HOOK3: variants seen among roughly 807,000 people sequenced by gnomAD.
The protein encoded by HOOK3 is protein Hook homolog 3.
HOOK3 carries 24 observed loss-of-function variants against 116.3 expected under a neutral mutation model. That is an observed-to-expected ratio of 0.21 (90% CI 0.15 to 0.29). HOOK3 has a LOEUF of 0.29. HOOK3 is among the 10% of genes least tolerant of loss of function. The pLI, the probability that HOOK3 is intolerant of heterozygous loss-of-function variation, is 1.00. For synonymous variants in HOOK3, 275 were observed against 283.0 expected (o/e 0.97, Z 0.28); for missense variants, 632 against 830.2 (o/e 0.76, Z 2.93).
chr8:42,983,149 A>G (rs1808984370), intron 14 of HOOK3, among the ~76,000 whole-genome samples: 1 of 152,078 alleles, frequency 6.6e-6, no homozygotes, highest in South Asian at 2.1e-4. Context: ...CCTAGCTAAC[A>G]CGGTGAAACC....
intron 4 of HOOK3, among the ~76,000 whole-genome samples, chr8:42,935,439 G>A (rs1445450398): frequency 6.6e-6 from 1 of 152,040 alleles, no homozygotes; most frequent in Non-Finnish European, 1.5e-5. Context: ...AGTTGCTTTT[G>A]GTGTTTTAGT....
At chr8:42,915,033 A>G (rs369859564) in intron 2 of HOOK3, among the ~76,000 whole-genome samples, 2 of 152,156 alleles carry the variant, frequency 1.3e-5, no homozygotes, top group Non-Finnish European at 2.9e-5. Context: ...CCAGATGCCG[A>G]CTTTAGATAC....
At chr8:42,911,805 G>C (rs1173717567) in intron 2 of HOOK3, among the ~76,000 whole-genome samples, 1 of 152,148 alleles carries the variant, frequency 6.6e-6, no homozygotes, top group Non-Finnish European at 1.5e-5. Flanking sequence ...ATAAACCACT[G>C]ATATTGGAAC....
intron 13 of HOOK3, among the ~76,000 whole-genome samples, chr8:42,979,311 TC>T (rs1808889235): frequency 6.6e-6 from 1 of 152,138 alleles, no homozygotes; most frequent in Non-Finnish European, 1.5e-5. Flanking sequence ...ACATCAGACT[TC>T]CTAAAGCAGT....
At chr8:42,946,405 A>T (rs998723597) in intron 5 of HOOK3, among the ~76,000 whole-genome samples, 1 of 152,282 alleles carries the variant, frequency 6.6e-6, no homozygotes, top group East Asian at 1.9e-4. Flanking sequence ...AACCCACCAC[A>T]CTATAATTGG....
At chr8:42,943,019 ACTT>A (rs1282379835) in intron 4 of HOOK3, among the ~76,000 whole-genome samples, 1 of 152,038 alleles carries the variant, frequency 6.6e-6, no homozygotes, top group East Asian at 1.9e-4. Flanking sequence ...TTTTAGTTCT[ACTT>A]CTTCAAAGAG....
chr8:43,020,370 T>G lies in HOOK3; in HGVS notation c.*1872T>G, dbSNP rs1809801035. The stretch of plus-strand genomic sequence containing the variant: ...AAAAGATTAAAAACTTTCAGACGGT[T>G]CTTACCTCTACCCGTGTTTCACAAA... On this transcript the variant is annotated 3_prime_UTR_variant, in exon 22 of 22. Transcript: ENST00000307602. 5.2e-6 allele frequency: 1 copy of G among 193,212 alleles called. No homozygotes were observed. The highest frequency in any genetic ancestry group is 1.1e-5 in the Non-Finnish European group (1 of 92,614). The allele number at this position is 193,212 out of a possible 1,614,324, so 12.0% of individuals were successfully genotyped here. A position where few individuals can be genotyped will look rare whatever the true frequency, so the allele number is the denominator to read the frequency against.
chr8:43,022,920 C>T lies in HOOK3; in HGVS notation c.*4422C>T, dbSNP rs1279431561. On this transcript the variant is annotated 3_prime_UTR_variant, in exon 22 of 22. Coordinates refer to ENST00000307602, the MANE Select transcript of HOOK3 (RefSeq NM_032410.4). ...AATGTTATCCAGTCAGAAACATCAGCCTGTGGCCAGGTGCGGTGGCTCACG... is the reference window on the plus strand; with the variant it reads ...AATGTTATCCAGTCAGAAACATCAGTCTGTGGCCAGGTGCGGTGGCTCACG... 6.1e-6 allele frequency: 1 copy of T among 165,090 alleles called. No individual in the cohort carries two copies. The highest frequency in any genetic ancestry group is 1.3e-5 in the Non-Finnish European group (1 of 75,330). The allele number at this position is 165,090 out of a possible 1,614,324, so 10.2% of individuals were successfully genotyped here. A position where few individuals can be genotyped will look rare whatever the true frequency, so the allele number is the denominator to read the frequency against.
intron 6 of HOOK3, among the ~76,000 whole-genome samples, chr8:42,954,147 C>T (rs1407876218): frequency 6.6e-6 from 1 of 152,114 alleles, no homozygotes; most frequent in African/African-American, 2.4e-5. Flanking sequence ...ATAGAAAGCA[C>T]ATGAACAATA....
intron 1 of HOOK3, among the ~76,000 whole-genome samples, chr8:42,904,914 A>G (rs1225543881): frequency 6.6e-6 from 1 of 151,976 alleles, no homozygotes; most frequent in East Asian, 1.9e-4. Flanking sequence ...CCTAGTTGTA[A>G]GTTCTATGAG....
At chr8:42,940,429 G>T (rs1359293895) in intron 4 of HOOK3, among the ~76,000 whole-genome samples, 3 of 152,262 alleles carry the variant, frequency 2.0e-5, no homozygotes, top group Non-Finnish European at 2.9e-5. Flanking sequence ...CGAGATGGCA[G>T]CAGTACAGTC....
intron 6 of HOOK3, among the ~76,000 whole-genome samples, chr8:42,954,584 T>C (rs1210574731): frequency 6.6e-6 from 1 of 152,244 alleles, no homozygotes; most frequent in African/African-American, 2.4e-5. Flanking sequence ...GAACAAGATA[T>C]AAAGTTGTAT....
chr8:42,983,335 A>G (rs1407418670), intron 14 of HOOK3, among the ~76,000 whole-genome samples: 5 of 146,284 alleles, frequency 3.4e-5, no homozygotes, highest in African/African-American at 1.2e-4. Context: ...CTCTGTCTCA[A>G]AAAAAAAAAA....
In HOOK3 at chr8:42,973,279, T is replaced by A; in HGVS notation, c.1123-10T>A. On this transcript the variant is annotated splice_polypyrimidine_tract_variant and intron_variant, in intron 11 of 21. Transcript: ENST00000307602. ...GATTATGTATAAGTAATGGTATCTT[T>A]CTGTATCAGGTAGTAGAACTACAAA... is the stretch of plus-strand genomic sequence containing the variant. 6.3e-7 allele frequency: 1 copy of A among 1,597,626 alleles called. No individual in the cohort carries two copies. Among genetic ancestry groups the A allele is most frequent in the East Asian group, 2.2e-5 (1 of 44,704 alleles).
Position 42,964,346 on chromosome 8 carries a change from G to A in HOOK3, c.651G>A (p.Leu217=). 1 of 1,614,110 alleles carries A rather than the reference G, an allele frequency of 6.2e-7. No individual in the cohort carries two copies. Reference sequence around the variant, plus strand: ...TGCAGGAAGAGAAAAGTAGTTTGTTGGCAGAGAATCAGGTATTAATGGAAA... The same window carrying A: ...TGCAGGAAGAGAAAAGTAGTTTGTTAGCAGAGAATCAGGTATTAATGGAAA... ...AALQEEKSSL[L]AENQVLMERL... Residue 217 remains leucine, a synonymous_variant, in exon 9 of 22, where the codon TTG becomes TTA. Coordinates refer to ENST00000307602, the MANE Select transcript of HOOK3 (RefSeq NM_032410.4).
chr8:43,025,935 G>A lies in HOOK3; in HGVS notation c.*7437G>A, dbSNP rs758605673. ...TAAAGGTGAAATCAGAGGTGTCCAC[G>A]GCCTCAAAGTTTGGGCCCATGGGAC... On this transcript the variant is annotated 3_prime_UTR_variant, in exon 22 of 22. Transcript: ENST00000307602. 2.4e-5 allele frequency: 5 copies of A among 209,044 alleles called. No individual in the cohort carries two copies. Among genetic ancestry groups the A allele is most frequent in the Admixed American group, 5.9e-5 (1 of 16,894 alleles). 12.9% of individuals were successfully genotyped at this position (209,044 alleles called of 1,614,324 possible). A position where few individuals can be genotyped will look rare whatever the true frequency, so the allele number is the denominator to read the frequency against.
chr8:42,942,721 C>T (rs777291842), intron 4 of HOOK3, among the ~76,000 whole-genome samples: 2 of 152,198 alleles, frequency 1.3e-5, no homozygotes, highest in Non-Finnish European at 2.9e-5. Flanking sequence ...AAGTAAACCA[C>T]TATCAAAAGC....
chr8:42,928,899 A>G (rs1364807787), intron 3 of HOOK3, among the ~76,000 whole-genome samples: 3 of 151,982 alleles, frequency 2.0e-5, no homozygotes, highest in Non-Finnish European at 4.4e-5. Context: ...AAAATTAGCC[A>G]GGTGTGGTGG....
intron 1 of HOOK3, among the ~76,000 whole-genome samples, chr8:42,901,108 C>G (rs1807179737): frequency 6.6e-6 from 1 of 152,228 alleles, no homozygotes; most frequent in South Asian, 2.1e-4. Context: ...TAGCACCCAA[C>G]TCACAGCCAA....
Sources: allele counts gnomAD v4.1 joint callset (sites outside exome capture counted in the v4.1 genomes callset), GRCh38; gene constraint gnomAD v4.1.1; transcripts MANE v1.5; gene names NCBI Gene and HGNC (gene_info 2026-07-23, HGNC 2026-07-21).